Variants in DYRK4 observed in about 807,000 individuals in gnomAD.
The protein encoded by DYRK4 is dual specificity tyrosine phosphorylation regulated kinase 4.
In DYRK4, 64 loss-of-function variants were observed where a neutral mutation model predicts 68.3. That is an observed-to-expected ratio of 0.94 (90% CI 0.77 to 1.15). DYRK4 has a LOEUF of 1.15. DYRK4 is among the 50% of genes most tolerant of loss of function. The pLI, the probability that DYRK4 is intolerant of heterozygous loss-of-function variation, is 0.00. For missense variants in DYRK4, 740 were observed against 764.7 expected, an observed-to-expected ratio of 0.97 and a Z score of 0.38; for synonymous variants, 274 against 289.9, an observed-to-expected ratio of 0.95 and a Z score of 0.56.
intron 10 of DYRK4, chr12:4,603,245 A>G (rs1388871667): frequency 2.1e-6 from 2 of 954,880 alleles, no homozygotes; most frequent in Non-Finnish European, 3.4e-6. Flanking sequence ...GCTGTGTTCT[A>G]TTACTGTTTC....
chr12:4,603,315 T>C, intron 10 of DYRK4: 1 of 737,922 alleles, frequency 1.4e-6, no homozygotes, highest in Non-Finnish European at 2.2e-6. Context: ...TCTATTATGC[T>C]GGCATCACTT....
intron 2 of DYRK4, 106 bp downstream of exon 2, chr12:4,568,154 C>T (rs1944695249): frequency 2.0e-5 from 21 of 1,053,600 alleles, no homozygotes; most frequent in Middle Eastern, 2.2e-4. Flanking sequence ...CTGGGTACAG[C>T]GCAAAGGCAA....
intron 2 of DYRK4, among the ~76,000 whole-genome samples, chr12:4,570,481 A>G (rs1258922501): frequency 6.6e-6 from 1 of 152,200 alleles, no homozygotes; most frequent in Non-Finnish European, 1.5e-5. Flanking sequence ...AGGAAATGCA[A>G]ACAACTCAGT....
Position 4,612,672 on chromosome 12 carries a change from G to T in DYRK4, c.1620G>T (p.Glu540Asp), listed in dbSNP as rs1176977845. The stretch of plus-strand genomic sequence containing the variant: ...AATCCAATTCCTTTTTCCCCTCTGA[G>T]ACAAGGAAGGACAAGGTTCAAGGCT... ...LRKSNSFFPS[E>D]TRKDKVQGCH... is the part of the protein sequence containing the mutation. The change falls in exon 14 of 15, where the codon GAG becomes GAT. Residue 540 changes from glutamate to aspartate, a missense_variant. Physicochemically the swap from Glu to Asp is conservative, Grantham distance 45. Coordinates refer to ENST00000543431, the MANE Select transcript of DYRK4 (RefSeq NM_001394779.1). 6.2e-7 allele frequency: 1 copy of T among 1,614,114 alleles called. No homozygotes were observed. The highest frequency in any genetic ancestry group is 8.5e-7 in the Non-Finnish European group (1 of 1,180,026).
At chr12:4,566,875 G>A (rs1217084672) in intron 1 of DYRK4, among the ~76,000 whole-genome samples, 1 of 152,158 alleles carries the variant, frequency 6.6e-6, no homozygotes, top group Non-Finnish European at 1.5e-5. Flanking sequence ...CACTATTACA[G>A]TTCATTTCTT....
intron 2 of DYRK4, among the ~76,000 whole-genome samples, chr12:4,587,366 C>T (rs758763573): frequency 5.3e-5 from 8 of 152,136 alleles, no homozygotes; most frequent in Non-Finnish European, 8.8e-5. Context: ...CCTCCTGGGC[C>T]GATTGCATTC....
At chr12:4,610,093 G>T in intron 12 of DYRK4, 62 bp from the exon 13 acceptor site, 3 of 1,482,168 alleles carry the variant, frequency 2.0e-6, no homozygotes, top group Non-Finnish European at 2.7e-6. Context: ...CTAAGCAGCA[G>T]CATCATGTGA....
At chr12:4,562,332 G>C (rs943873014) in intron 1 of DYRK4, 49 bp downstream of exon 1, 1 of 1,511,592 alleles carries the variant, frequency 6.6e-7, no homozygotes, top group Non-Finnish European at 8.8e-7. Flanking sequence ...GCGCGAGTAC[G>C]AGGCAGGCGA....
Position 4,596,173 on chromosome 12 carries a change from C to A in DYRK4, c.652C>A (p.Arg218Ser). 6.2e-7 allele frequency: 1 copy of A among 1,614,182 alleles called. No individual in the cohort carries two copies. The highest frequency in any genetic ancestry group is 8.5e-7 in the Non-Finnish European group (1 of 1,180,026). Residue 218 changes from arginine to serine, a missense_variant, in exon 7 of 15, where the codon CGC becomes AGC. Arg to Ser is a moderately radical substitution (Grantham distance 110). Coordinates refer to ENST00000543431, the MANE Select transcript of DYRK4 (RefSeq NM_001394779.1). ...LKVLHDHIAYRYEVLETIGKG... is the reference protein window; with the variant it reads ...LKVLHDHIAYSYEVLETIGKG... The stretch of plus-strand genomic sequence containing the variant: ...GGTCCTGCATGATCACATTGCCTAC[C>A]GCTATGAAGTTCTGGAGACAATCGG...
rs145386206 is a variant in DYRK4 at position 4,585,277 on chromosome 12, C to T, written c.133-3660C>T. 3.3e-3 allele frequency among the ~76,000 whole-genome samples: 506 copies of T among 152,280 alleles called. 4 individuals carry two copies. Among genetic ancestry groups the T allele is most frequent in the South Asian group, 8.3e-3 (40 of 4,824 alleles). On this transcript the variant is annotated intron_variant, in intron 2 of 14. Transcript: ENST00000543431. ...TTTCCATAGACTGAAGCTCTCCCAG[C>T]GTAGTTTCCTTGATGCCTCCTTCTA... is the stretch of plus-strand genomic sequence containing the variant.
Position 4,596,204 on chromosome 12 carries a change from G to A in DYRK4, c.683G>A (p.Gly228Glu). The A allele has an allele frequency of 6.2e-7, 1 of 1,614,162 alleles. No homozygotes were observed. Among genetic ancestry groups the A allele is most frequent in the South Asian group, 1.1e-5 (1 of 91,084 alleles). ...RYEVLETIGK[G>E]SFGQVAKCLD... Reference sequence around the variant, plus strand: ...GAAGTTCTGGAGACAATCGGGAAGGGGTCCTTTGGACAGGTGGCCAAGTGC... The same window carrying A: ...GAAGTTCTGGAGACAATCGGGAAGGAGTCCTTTGGACAGGTGGCCAAGTGC... Residue 228 changes from glycine to glutamate, a missense_variant, in exon 7 of 15, where the codon GGG (glycine) becomes GAG (glutamate). Coordinates refer to ENST00000543431, the MANE Select transcript of DYRK4 (RefSeq NM_001394779.1).
chr12:4,601,718 C>CT (rs1423541401), intron 10 of DYRK4, among the ~76,000 whole-genome samples: 5 of 151,850 alleles, frequency 3.3e-5, no homozygotes, highest in South Asian at 2.1e-4. Flanking sequence ...ACATATATAT[C>CT]TTTTTTTTAG....
At chr12:4,595,629 A>G (rs1168042624) in intron 6 of DYRK4, among the ~76,000 whole-genome samples, 2 of 152,116 alleles carry the variant, frequency 1.3e-5, no homozygotes, top group Admixed American at 1.3e-4. Flanking sequence ...AGGAGAACCA[A>G]ATTTGGCCAG....
intron 1 of DYRK4, among the ~76,000 whole-genome samples, chr12:4,565,751 G>A (rs949446829): frequency 4.6e-5 from 7 of 151,658 alleles, no homozygotes; most frequent in South Asian, 2.1e-4. Context: ...TCATCCTCCC[G>A]AGTAGCTGGG....
chr12:4,585,449 T>TA (rs1944886569), intron 2 of DYRK4, among the ~76,000 whole-genome samples: 1 of 152,306 alleles, frequency 6.6e-6, no homozygotes, highest in East Asian at 1.9e-4. Flanking sequence ...TATGCAGCCA[T>TA]AAAAAATGAT....
chr12:4,591,602 A>G lies in DYRK4; in HGVS notation c.463+304A>G, dbSNP rs764042052. The G allele has an allele frequency of 3.0e-6, 1 of 330,210 alleles. No homozygotes were observed. Among genetic ancestry groups the G allele is most frequent in the Non-Finnish European group, 5.5e-6 (1 of 180,362 alleles). 20.5% of individuals were successfully genotyped at this position (330,210 alleles called of 1,614,324 possible). On this transcript the variant is annotated intron_variant, in intron 5 of 14. Transcript: ENST00000543431. The surrounding 1 kb of genome is among the most constrained non-coding windows in gnomAD (Gnocchi z 4.1). Reference sequence around the variant, plus strand: ...CCAGACACAAGGCTCCTGTCATTTTATGGACCCAGGGGCCAGCGGGAAGGC... The same window carrying G: ...CCAGACACAAGGCTCCTGTCATTTTGTGGACCCAGGGGCCAGCGGGAAGGC...
intron 13 of DYRK4, among the ~76,000 whole-genome samples, chr12:4,611,862 A>G (rs1343275224): frequency 6.6e-6 from 1 of 152,234 alleles, no homozygotes; most frequent in African/African-American, 2.4e-5. Context: ...CCATAAAATT[A>G]GGATAGTTAT....
intron 2 of DYRK4, among the ~76,000 whole-genome samples, chr12:4,587,131 T>C (rs2137354780): frequency 6.6e-6 from 1 of 152,296 alleles, no homozygotes; most frequent in Non-Finnish European, 1.5e-5. Flanking sequence ...TTGTTAGTGG[T>C]TCACTGTTGC....
intron 13 of DYRK4, among the ~76,000 whole-genome samples, chr12:4,611,968 A>G (rs1184283224): frequency 6.6e-6 from 1 of 152,268 alleles, no homozygotes; most frequent in African/African-American, 2.4e-5. Context: ...GAACTTTTAA[A>G]GAATCGGAGT....
Sources: gnomAD v4.1 joint callset for allele counts (sites outside exome capture counted in the v4.1 genomes callset) on GRCh38, gnomAD v4.1.1 for gene constraint, Gnocchi (gnomAD v3.1) non-coding constraint, MANE v1.5 for transcripts, NCBI Gene and HGNC (gene_info 2026-07-23, HGNC 2026-07-21) for gene names.